OPCML: variants seen among roughly 807,000 people sequenced by gnomAD.
OPCML encodes opioid binding protein/cell adhesion molecule like, also known as opioid-binding protein/cell adhesion molecule.
Under a neutral mutation model 37.8 loss-of-function variants are expected in OPCML, and 13 were observed. That is an observed-to-expected ratio of 0.34 (90% CI 0.22 to 0.55). OPCML has a LOEUF of 0.55. Ranked by LOEUF, OPCML falls within the 20% of genes least tolerant of loss-of-function variation. OPCML has a pLI of 0.91. For synonymous variants in OPCML, 176 were observed against 168.8 expected, an observed-to-expected ratio of 1.04 and a Z score of -0.33; for missense variants, 341 against 435.6, an observed-to-expected ratio of 0.78 and a Z score of 1.93.
At chr11:132,972,848 C>T (rs115555276) in intron 1 of OPCML, among the ~76,000 whole-genome samples, 2,130 of 152,206 alleles carry the variant, frequency 0.014, 51 homozygotes, top group African/African-American at 0.048. Flanking sequence ...GAGAGGCTGG[C>T]TGTACTCATT....
intron 1 of OPCML, chr11:133,008,418 T>C: frequency 1.0e-6 from 1 of 985,324 alleles, no homozygotes; most frequent in Middle Eastern, 5.2e-4. Flanking sequence ...GAGGTCCTTT[T>C]CTGATTTTTT....
chr11:132,445,300 G>A (rs79732979), intron 4 of OPCML, among the ~76,000 whole-genome samples: 86 of 152,316 alleles, frequency 5.6e-4, no homozygotes, highest in Non-Finnish European at 1.1e-3. Flanking sequence ...ATGCATGTGT[G>A]AGAATGATGG....
At chr11:132,764,281 T>C (rs1248731997) in intron 2 of OPCML, among the ~76,000 whole-genome samples, 2 of 152,134 alleles carry the variant, frequency 1.3e-5, no homozygotes, top group African/African-American at 4.8e-5. Flanking sequence ...TTTGTGTTCA[T>C]CCTTCCTCCC....
At chr11:132,635,409 T>C (rs1940425521) in intron 3 of OPCML, among the ~76,000 whole-genome samples, 1 of 152,052 alleles carries the variant, frequency 6.6e-6, no homozygotes, top group African/African-American at 2.4e-5. Flanking sequence ...GGCTCAGGAA[T>C]GATCGATGGC....
chr11:132,535,856 T>A (rs1463913303), intron 3 of OPCML, among the ~76,000 whole-genome samples: 1 of 152,180 alleles, frequency 6.6e-6, no homozygotes, highest in Non-Finnish European at 1.5e-5. Flanking sequence ...TGGGTAAAAC[T>A]CTGAGCTCAA....
chr11:133,350,122 C>A (rs978809798), intron 1 of OPCML, among the ~76,000 whole-genome samples: 2 of 152,212 alleles, frequency 1.3e-5, no homozygotes, highest in African/African-American at 4.8e-5. Context: ...TCAGTCACTG[C>A]AGCAATGATG....
rs140625772 is a variant in OPCML at position 132,437,342 on chromosome 11, T to C, written c.523A>G (p.Ser175Gly). 6.2e-7 allele frequency: 1 copy of C among 1,614,006 alleles called. No homozygotes were observed. Among genetic ancestry groups the C allele is most frequent in the African/African-American group, 1.3e-5 (1 of 74,916 alleles). ...LSVKEGQGFV[S>G]EDEYLEISDI... ...GAGATCTCCAGGTACTCATCCTCAC[T>C]TACAAAGCCCTGGCCTTCTGGGAAG... The change falls in exon 5 of 8, where the codon AGT becomes GGT. Residue 175 changes from serine (S) to glycine (G), a missense_variant. Transcript: ENST00000524381.
intron 1 of OPCML, among the ~76,000 whole-genome samples, chr11:133,516,079 C>G (rs1024299841): frequency 6.6e-6 from 1 of 152,056 alleles, no homozygotes; most frequent in African/African-American, 2.4e-5. Context: ...GGAGAAACAA[C>G]TGGGAGAGAA....
Position 132,420,045 on chromosome 11 carries a change from C to A in OPCML, c.*148G>T. The A allele has an allele frequency of 1.1e-4, 33 of 296,110 alleles. No homozygotes were observed. Among genetic ancestry groups the A allele is most frequent in the Middle Eastern group, 6.6e-4 (1 of 1,516 alleles). The allele number at this position is 296,110 out of a possible 1,614,324, so 18.3% of individuals were successfully genotyped here. A position where few individuals can be genotyped will look rare whatever the true frequency, so the allele number is the denominator to read the frequency against. On this transcript the variant is annotated 3_prime_UTR_variant, in exon 8 of 8. Transcript: ENST00000524381. ...CATTCAAGCTGGAAATAAAAGCAAA[C>A]AAACAAATAAACAAAAACAAAAAGA...
chr11:132,643,136 G>C (rs1184018944), intron 3 of OPCML, among the ~76,000 whole-genome samples: 1 of 152,120 alleles, frequency 6.6e-6, no homozygotes, highest in Non-Finnish European at 1.5e-5. Context: ...AAACAGCCAG[G>C]CATGGTGGCA....
intron 1 of OPCML, among the ~76,000 whole-genome samples, chr11:133,294,795 TTTTCTTTC>T (rs1565555099): frequency 1.2e-4 from 17 of 147,442 alleles, no homozygotes; most frequent in African/African-American, 3.8e-4. Context: ...TTCTTTTTTT[TTTTCTTTC>T]TTTCTTTCTT....
chr11:133,240,944 T>C (rs1242473692), intron 1 of OPCML, among the ~76,000 whole-genome samples: 1 of 152,244 alleles, frequency 6.6e-6, no homozygotes, highest in Non-Finnish European at 1.5e-5. Flanking sequence ...TGCCAATTCT[T>C]TCTTTAAAGC....
At chr11:133,471,258 T>C (rs1947106576) in intron 1 of OPCML, among the ~76,000 whole-genome samples, 1 of 152,120 alleles carries the variant, frequency 6.6e-6, no homozygotes, top group Admixed American at 6.5e-5. Flanking sequence ...GAAAGGAAGA[T>C]TTTGGAGAAA....
At chr11:133,009,897 A>T (rs527470361) in intron 1 of OPCML, among the ~76,000 whole-genome samples, 1 of 152,184 alleles carries the variant, frequency 6.6e-6, no homozygotes, top group South Asian at 2.1e-4. Context: ...GACCCCTGGG[A>T]TATCTACTGT....
chr11:132,540,968 G>T (rs2096354965), intron 3 of OPCML, among the ~76,000 whole-genome samples: 1 of 152,078 alleles, frequency 6.6e-6, no homozygotes, highest in South Asian at 2.1e-4. Context: ...CCCCCGACTT[G>T]TAGGCTCCCT....
intron 1 of OPCML, among the ~76,000 whole-genome samples, chr11:133,221,497 G>C (rs1352716513): frequency 6.6e-6 from 1 of 152,188 alleles, no homozygotes; most frequent in Non-Finnish European, 1.5e-5. Context: ...TCATGTGCTG[G>C]CACAGTGCCT....
intron 1 of OPCML, among the ~76,000 whole-genome samples, chr11:133,510,814 C>T (rs955108875): frequency 6.6e-6 from 1 of 152,030 alleles, no homozygotes; most frequent in Non-Finnish European, 1.5e-5. Flanking sequence ...TCTTCTCTTC[C>T]CTTTCTGCAT....
intron 1 of OPCML, among the ~76,000 whole-genome samples, chr11:133,060,214 C>T (rs1021831012): frequency 4.0e-5 from 6 of 151,704 alleles, no homozygotes; most frequent in Non-Finnish European, 8.9e-5. Context: ...CTCCCTCCCC[C>T]TCCACCTCCT....
chr11:132,626,645 T>G (rs1053182273), intron 3 of OPCML, among the ~76,000 whole-genome samples: 1 of 151,838 alleles, frequency 6.6e-6, no homozygotes, highest in African/African-American at 2.4e-5. Context: ...TTTGTAGGAG[T>G]GGCTTTAGGA....
Sources: gnomAD v4.1 joint callset for allele counts (sites outside exome capture counted in the v4.1 genomes callset) on GRCh38, gnomAD v4.1.1 for gene constraint, MANE v1.5 for transcripts, NCBI Gene and HGNC (gene_info 2026-07-23, HGNC 2026-07-21) for gene names.